FLVCR2: variants seen among roughly 807,000 people sequenced by gnomAD.
The protein encoded by FLVCR2 is FLVCR choline and putative heme transporter 2, also known as choline/ethanolamine transporter FLVCR2.
Under a neutral mutation model 48.9 loss-of-function variants are expected in FLVCR2, and 38 were observed. That is an observed-to-expected ratio of 0.78 (90% confidence interval 0.60 to 1.02). FLVCR2 has a LOEUF of 1.02. Among genes scored for constraint, FLVCR2 ranks in the 50% least tolerant of loss-of-function variants. The probability of loss-of-function intolerance (pLI) is 0.00; values close to 1 mark genes in which losing one functional copy is unlikely to be tolerated. For synonymous variants in FLVCR2, 255 were observed against 257.0 expected (o/e 0.99, Z 0.07); for missense variants, 664 against 663.3 (o/e 1.00, Z -0.01).
At position 75,634,898 on chromosome 14, in the gene FLVCR2, T is replaced by C. The variant is rs1438784595; in HGVS notation, c.1021-12T>C. On this transcript the variant is annotated splice_polypyrimidine_tract_variant and intron_variant, in intron 4 of 9. Coordinates refer to ENST00000238667, the MANE Select transcript of FLVCR2 (RefSeq NM_017791.3). The stretch of plus-strand genomic sequence containing the variant: ...CATCGCCGGGTGATCTTTGGGGTTA[T>C]GGTTTCCCCAGGGGGAAGAAGTGAA... The C allele has an allele frequency of 6.3e-7, 1 of 1,590,064 alleles. No homozygotes were observed. The highest frequency in any genetic ancestry group is 8.6e-7 in the Non-Finnish European group (1 of 1,158,418).
chr14:75,646,126 G>A (rs115258434), intron 9 of FLVCR2, among the ~76,000 whole-genome samples: 162 of 152,084 alleles, frequency 1.1e-3, no homozygotes, highest in African/African-American at 3.4e-3. Context: ...AGTGGCACTC[G>A]GAGCTGGATC....
intron 1 of FLVCR2, among the ~76,000 whole-genome samples, chr14:75,617,119 G>C (rs1252139261): frequency 6.6e-6 from 1 of 152,198 alleles, no homozygotes; most frequent in East Asian, 1.9e-4. Context: ...GTGGATCTCA[G>C]AGCTGGCATA....
intron 1 of FLVCR2, among the ~76,000 whole-genome samples, chr14:75,604,797 T>C (rs564594323): frequency 2.0e-5 from 3 of 152,118 alleles, no homozygotes; most frequent in Non-Finnish European, 2.9e-5. Flanking sequence ...GGTTGGTACA[T>C]AGGGGAGGTT....
intron 1 of FLVCR2, 96 bp from the exon 2 acceptor site, chr14:75,621,983 T>C: frequency 7.9e-7 from 1 of 1,273,794 alleles, no homozygotes; most frequent in South Asian, 1.2e-5. Flanking sequence ...GGATTGGAAG[T>C]TGGAAATTAG....
chr14:75,602,160 A>C (rs1566786565), intron 1 of FLVCR2, among the ~76,000 whole-genome samples: 1 of 152,216 alleles, frequency 6.6e-6, no homozygotes, highest in Non-Finnish European at 1.5e-5. Flanking sequence ...GGATGTGCTC[A>C]CCAACCAGAA....
rs1302728842 is a variant in FLVCR2 at position 75,647,514 on chromosome 14, T to G, written c.*1042T>G. 14 of 152,814 alleles carry G rather than the reference T, an allele frequency of 9.2e-5. No individual in the cohort carries two copies. The highest frequency in any genetic ancestry group is 5.9e-5 in the Non-Finnish European group (4 of 68,052). 9.5% of individuals were successfully genotyped at this position (152,814 alleles called of 1,614,324 possible). ...TGCCCCTTGAAATGGGAATTGAGCC[T>G]GTTAGAATTAAAAGCTTATCTCACC... On this transcript the variant is annotated 3_prime_UTR_variant, in exon 10 of 10. Coordinates refer to ENST00000238667, the MANE Select transcript of FLVCR2 (RefSeq NM_017791.3).
intron 1 of FLVCR2, among the ~76,000 whole-genome samples, chr14:75,608,067 C>A (rs1444692358): frequency 6.6e-6 from 1 of 152,086 alleles, no homozygotes. Flanking sequence ...GAGTTCTCAT[C>A]TAAAAAATCA....
intron 3 of FLVCR2, among the ~76,000 whole-genome samples, chr14:75,627,242 C>G (rs943384471): frequency 6.6e-6 from 1 of 151,764 alleles, no homozygotes; most frequent in African/African-American, 2.4e-5. Flanking sequence ...AAATGATAAC[C>G]GAGGAAATAA....
In FLVCR2 at chr14:75,641,294, G is replaced by C. The variant is rs1156688543; in HGVS notation, c.1453+1G>C. ...CTTACTCTTGGAGCAGCCCTCACTGGTGAGTTGGAGCCTGAGGGCAAGATG... is the reference window on the plus strand; with the variant it reads ...CTTACTCTTGGAGCAGCCCTCACTGCTGAGTTGGAGCCTGAGGGCAAGATG... On this transcript the variant is annotated splice_donor_variant, in intron 8 of 9. Transcript: ENST00000238667. LOFTEE classifies it high-confidence loss of function. The C allele has an allele frequency of 1.9e-6, 3 of 1,609,128 alleles. No homozygotes were observed. The highest frequency in any genetic ancestry group is 2.7e-5 in the African/African-American group (2 of 74,726).
At chr14:75,615,951 CG>C (rs1407772570) in intron 1 of FLVCR2, among the ~76,000 whole-genome samples, 2 of 136,516 alleles carry the variant, frequency 1.5e-5, no homozygotes, top group Admixed American at 8.6e-5. Flanking sequence ...GGCATGAACC[CG>C]GGAGATGGAG....
At chr14:75,624,497 C>T (rs1889847566) in intron 2 of FLVCR2, 115 bp from the exon 3 acceptor site, 3 of 1,201,964 alleles carry the variant, frequency 2.5e-6, no homozygotes, top group Non-Finnish European at 3.7e-6. Flanking sequence ...ATTACTATTT[C>T]CTTTGGGAGT....
chr14:75,583,758 G>A (rs745497147), intron 1 of FLVCR2, among the ~76,000 whole-genome samples: 3 of 152,236 alleles, frequency 2.0e-5, no homozygotes, highest in Non-Finnish European at 4.4e-5. Context: ...AAGCCTGGCC[G>A]TCAATACCCA....
chr14:75,623,498 G>A (rs1473493619), intron 2 of FLVCR2, among the ~76,000 whole-genome samples: 1 of 152,050 alleles, frequency 6.6e-6, no homozygotes, highest in Non-Finnish European at 1.5e-5. Context: ...ACATGTTAAA[G>A]GTTTCATTCC....
intron 5 of FLVCR2, among the ~76,000 whole-genome samples, chr14:75,638,253 T>C (rs2140051861): frequency 6.6e-6 from 1 of 152,022 alleles, no homozygotes. Context: ...CTGGCCAACA[T>C]GGCGAAACCC....
intron 9 of FLVCR2, among the ~76,000 whole-genome samples, chr14:75,643,384 T>C (rs1274414111): frequency 6.6e-6 from 1 of 152,240 alleles, no homozygotes; most frequent in Non-Finnish European, 1.5e-5. Context: ...TGGTATGTGT[T>C]GCTAAACTGT....
intron 3 of FLVCR2, among the ~76,000 whole-genome samples, chr14:75,630,543 A>G (rs1385839955): frequency 6.6e-6 from 1 of 152,142 alleles, no homozygotes; most frequent in African/African-American, 2.4e-5. Flanking sequence ...GTCAGTAGTC[A>G]CCGGAACACA....
intron 1 of FLVCR2, among the ~76,000 whole-genome samples, chr14:75,601,817 A>T (rs1222725608): frequency 6.6e-6 from 1 of 152,134 alleles, no homozygotes; most frequent in Non-Finnish European, 1.5e-5. Context: ...TAGTGTGTGT[A>T]TGTGTATGTA....
At chr14:75,595,847 A>G (rs1889006181) in intron 1 of FLVCR2, 7 of 952,778 alleles carry the variant, frequency 7.3e-6, no homozygotes, top group East Asian at 4.8e-5. Context: ...TGGCCTTTGC[A>G]GTCCCCCTGA....
chr14:75,585,347 C>A (rs1888717617), intron 1 of FLVCR2, among the ~76,000 whole-genome samples: 1 of 152,126 alleles, frequency 6.6e-6, no homozygotes, highest in Non-Finnish European at 1.5e-5. Flanking sequence ...AAGTGCCATT[C>A]TCTGGTCACT....
Sources: gnomAD v4.1 joint callset for allele counts (sites outside exome capture counted in the v4.1 genomes callset) on GRCh38, gnomAD v4.1.1 for gene constraint, MANE v1.5 for transcripts, NCBI Gene and HGNC (gene_info 2026-07-23, HGNC 2026-07-21) for gene names.